DISC1: variants seen among roughly 807,000 people sequenced by gnomAD.
The protein encoded by DISC1 is DISC1 scaffold protein.
A neutral mutation model predicts 84.5 loss-of-function variants in DISC1; 57 were observed. That is an observed-to-expected ratio of 0.67 (90% CI 0.55 to 0.84). DISC1 has a LOEUF of 0.84. Among genes scored for constraint, DISC1 ranks in the 40% least tolerant of loss-of-function variants. The pLI, the probability that DISC1 is intolerant of heterozygous loss-of-function variation, is 0.00. For missense variants in DISC1, 1,000 were observed against 1,057.8 expected (o/e 0.95, Z 0.76); for synonymous variants, 411 against 415.2 (o/e 0.99, Z 0.12).
Position 231,988,572 on chromosome 1 carries a change from G to T in DISC1, c.2043-20213G>T, listed in dbSNP as rs561086318. Among the ~76,000 whole-genome samples, 4 of 152,274 alleles carry T rather than the reference G, an allele frequency of 2.6e-5. No individual in the cohort carries two copies. The South Asian group carries it at 6.2e-4, about 24-fold the overall frequency. Reference sequence around the variant, plus strand: ...AGGGGGCTCCCATATTCCTTTCACCGTGTTAGGATACAGCAAGAAGGCACC... The same window carrying T: ...AGGGGGCTCCCATATTCCTTTCACCTTGTTAGGATACAGCAAGAAGGCACC... On this transcript the variant is annotated intron_variant, in intron 10 of 12. Coordinates refer to ENST00000439617, the MANE Select transcript of DISC1 (RefSeq NM_018662.3).
intron 4 of DISC1, among the ~76,000 whole-genome samples, chr1:231,760,803 C>T (rs924463942): frequency 1.2e-4 from 19 of 152,280 alleles, no homozygotes; most frequent in African/African-American, 4.1e-4. Flanking sequence ...GGTGGCCTCT[C>T]GAGCAATGCC....
At chr1:231,894,119 A>G (rs973607) in intron 9 of DISC1, among the ~76,000 whole-genome samples, 136,127 of 152,218 alleles carry the variant, frequency 0.89, 60,957 homozygotes, top group East Asian at 0.99. Context: ...AGACAGGAAG[A>G]AACAACGATC....
In DISC1 at chr1:232,010,044, T is replaced by C. The variant is rs541484116; in HGVS notation, c.2307+995T>C. Among the ~76,000 whole-genome samples the C allele has an allele frequency of 4.6e-5, 7 of 152,332 alleles. No homozygotes were observed. In the South Asian group the frequency reaches 1.4e-3, roughly 32 times the overall value. On this transcript the variant is annotated intron_variant, in intron 11 of 12. Coordinates refer to ENST00000439617, the MANE Select transcript of DISC1 (RefSeq NM_018662.3). Reference sequence around the variant, plus strand: ...GGCCTTCAGAGAGCAGACATTTGTGTTCTTAGTCACTGCCTCTGGACTGCT... The same window carrying C: ...GGCCTTCAGAGAGCAGACATTTGTGCTCTTAGTCACTGCCTCTGGACTGCT...
chr1:231,915,967 G>A (rs981229765), intron 9 of DISC1, among the ~76,000 whole-genome samples: 5 of 152,164 alleles, frequency 3.3e-5, no homozygotes, highest in Non-Finnish European at 7.4e-5. Context: ...GTATTTACAG[G>A]AGCCCAAGGG....
intron 9 of DISC1, among the ~76,000 whole-genome samples, chr1:231,869,014 C>T (rs1407978283): frequency 6.6e-6 from 1 of 151,918 alleles, no homozygotes; most frequent in Non-Finnish European, 1.5e-5. Flanking sequence ...ACCCTGCTGC[C>T]CTAAATGCGA....
chr1:231,796,232 T>A (rs1434554603), intron 7 of DISC1, among the ~76,000 whole-genome samples: 1 of 152,152 alleles, frequency 6.6e-6, no homozygotes, highest in African/African-American at 2.4e-5. Context: ...ATTGACAGAC[T>A]GAGAAACAGG....
At chr1:231,791,366 C>T (rs1335443861) in intron 6 of DISC1, among the ~76,000 whole-genome samples, 2 of 152,146 alleles carry the variant, frequency 1.3e-5, no homozygotes, top group Non-Finnish European at 2.9e-5. Flanking sequence ...CCATAATTAC[C>T]AGCTGGTTAC....
chr1:231,710,469 T>G (rs951625563), intron 3 of DISC1, among the ~76,000 whole-genome samples: 39 of 152,258 alleles, frequency 2.6e-4, no homozygotes, highest in Admixed American at 6.5e-5. Flanking sequence ...GTCCAAACTA[T>G]GCATTTGGTG....
Position 231,953,743 on chromosome 1 carries a change from C to T in DISC1, c.1982-5085C>T, listed in dbSNP as rs898895921. Among the ~76,000 whole-genome samples, 23 of 152,268 alleles carry T rather than the reference C, an allele frequency of 1.5e-4. 1 individual carries two copies. The highest frequency in any genetic ancestry group is 3.4e-3 in the Middle Eastern group (1 of 294). ...ATGTTAATTTAGAAAATTCCAATAACGTGGCTAATGTTTGACAAACTTTGC... is the reference window on the plus strand; with the variant it reads ...ATGTTAATTTAGAAAATTCCAATAATGTGGCTAATGTTTGACAAACTTTGC... On this transcript the variant is annotated intron_variant, in intron 9 of 12. Transcript: ENST00000439617.
At chr1:232,030,511 C>CAT (rs1669899755) in intron 12 of DISC1, among the ~76,000 whole-genome samples, 1 of 152,196 alleles carries the variant, frequency 6.6e-6, no homozygotes. Flanking sequence ...TATTTACATC[C>CAT]ATGTCTGGGA....
intron 11 of DISC1, among the ~76,000 whole-genome samples, chr1:232,017,515 G>T: frequency 7.1e-6 from 1 of 140,996 alleles, no homozygotes. Context: ...TGTAGCCTGT[G>T]ACTTTCACTG....
intron 3 of DISC1, among the ~76,000 whole-genome samples, chr1:231,707,027 C>T (rs2067171681): frequency 6.6e-6 from 1 of 152,188 alleles, no homozygotes; most frequent in Admixed American, 6.5e-5. Flanking sequence ...GAACACAGCA[C>T]AACCCCAGAG....
chr1:232,020,268 G>A (rs1285430788), intron 11 of DISC1, among the ~76,000 whole-genome samples: 1 of 152,102 alleles, frequency 6.6e-6, no homozygotes, highest in Non-Finnish European at 1.5e-5. Context: ...CTTGAACCCA[G>A]GAGGCAGAGG....
At position 231,730,986 on chromosome 1, in the gene DISC1, TA is replaced by T. The variant is rs954113046; in HGVS notation, c.1118-18928del. Reference sequence around the variant, plus strand: ...CAGAGTTTACATATTTTTAAATGGCTAAAAAAAAAAAATCACAGTTTTTTGT... The same window carrying T: ...CAGAGTTTACATATTTTTAAATGGCTAAAAAAAAAAATCACAGTTTTTTGT... On this transcript the variant is annotated intron_variant, in intron 3 of 12. Coordinates refer to ENST00000439617, the MANE Select transcript of DISC1 (RefSeq NM_018662.3). 5.0e-3 allele frequency among the ~76,000 whole-genome samples: 732 copies of T among 146,684 alleles called. 4 individuals carry two copies. The highest frequency in any genetic ancestry group is 0.015 in the African/African-American group (586 of 40,382).
chr1:231,812,377 G>C (rs2080392822), intron 8 of DISC1, among the ~76,000 whole-genome samples: 1 of 152,078 alleles, frequency 6.6e-6, no homozygotes, highest in Non-Finnish European at 1.5e-5. Context: ...GAGATGCTGA[G>C]GATAAGTAAT....
intron 6 of DISC1, among the ~76,000 whole-genome samples, chr1:231,788,360 T>G (rs2078051547): frequency 6.6e-6 from 1 of 152,200 alleles, no homozygotes; most frequent in Admixed American, 6.5e-5. Context: ...GGGAAGGATC[T>G]GTATCTCTCC....
chr1:232,006,823 T>C (rs1264761335), intron 10 of DISC1, among the ~76,000 whole-genome samples: 4 of 152,176 alleles, frequency 2.6e-5, no homozygotes, highest in East Asian at 3.9e-4. Flanking sequence ...GAGGTCTTCA[T>C]GGCAGCCCCT....
At chr1:231,750,759 T>G (rs1341774540) in intron 4 of DISC1, 7 of 194,994 alleles carry the variant, frequency 3.6e-5, no homozygotes, top group Non-Finnish European at 6.5e-5. Context: ...ACCTTTGTGT[T>G]CCCTTTCTCC....
Position 231,732,019 on chromosome 1 carries a change from GAC to G in DISC1, c.1118-17905_1118-17904del, listed in dbSNP as rs570336935. On this transcript the variant is annotated intron_variant, in intron 3 of 12. Transcript: ENST00000439617. The stretch of plus-strand genomic sequence containing the variant: ...AGAGTAAAATTAAGGTTTGACTTGA[GAC>G]AGCTTCTTCAGAACTCATGCTCTTA... 9.2e-5 allele frequency among the ~76,000 whole-genome samples: 14 copies of G among 152,272 alleles called. No homozygotes were observed. The South Asian group carries it at 2.9e-3, about 32-fold the overall frequency.
Sources: gnomAD v4.1 joint callset for allele counts (sites outside exome capture counted in the v4.1 genomes callset) on GRCh38, gnomAD v4.1.1 for gene constraint, MANE v1.5 for transcripts, NCBI Gene and HGNC (gene_info 2026-07-23, HGNC 2026-07-21) for gene names.